Variants in EZR observed in about 807,000 individuals in gnomAD.
EZR encodes ezrin, also known as cytovillin 2.
In EZR, 40 loss-of-function variants were observed where a neutral mutation model predicts 74.8. That is an observed-to-expected ratio of 0.53 (90% confidence interval 0.42 to 0.70). EZR has a LOEUF of 0.70. Ranked by LOEUF, EZR falls within the 30% of genes least tolerant of loss-of-function variation. The probability of loss-of-function intolerance (pLI) is 0.00; values close to 1 mark genes in which losing one functional copy is unlikely to be tolerated. For synonymous variants in EZR, 341 were observed against 283.3 expected, an observed-to-expected ratio of 1.20 and a Z score of -2.05; for missense variants, 678 against 755.8, an observed-to-expected ratio of 0.90 and a Z score of 1.21.
intron 2 of EZR, among the ~76,000 whole-genome samples, chr6:158,816,408 G>C (rs1562510086): frequency 1.3e-5 from 2 of 152,182 alleles, no homozygotes; most frequent in South Asian, 4.1e-4. Context: ...ACGGAGAACA[G>C]GTTAACTTTT....
intron 2 of EZR, among the ~76,000 whole-genome samples, chr6:158,806,040 C>T (rs1270544219): frequency 2.6e-5 from 4 of 152,218 alleles, no homozygotes; most frequent in African/African-American, 9.6e-5. Flanking sequence ...CTATGGGCCC[C>T]CCAAAACATT....
chr6:158,769,532 C>T (rs1791029402), intron 11 of EZR, 114 bp from the exon 12 acceptor site: 7 of 1,113,290 alleles, frequency 6.3e-6, no homozygotes, highest in Non-Finnish European at 9.2e-6. Context: ...ACCTGAGTCC[C>T]CGCCACCCCC....
At chr6:158,793,318 T>C (rs573660542) in intron 2 of EZR, among the ~76,000 whole-genome samples, 7 of 152,108 alleles carry the variant, frequency 4.6e-5, no homozygotes, top group South Asian at 2.1e-4. Context: ...TAGGAATCCA[T>C]TGGCCCTGTT....
intron 2 of EZR, among the ~76,000 whole-genome samples, chr6:158,792,328 C>T (rs1349631741): frequency 2.0e-5 from 3 of 152,016 alleles, no homozygotes; most frequent in Non-Finnish European, 2.9e-5. Flanking sequence ...TCTCCTGCCT[C>T]GGCCTCCCAA....
At chr6:158,808,260 G>C (rs914473991) in intron 2 of EZR, among the ~76,000 whole-genome samples, 7 of 152,146 alleles carry the variant, frequency 4.6e-5, no homozygotes, top group African/African-American at 1.7e-4. Flanking sequence ...AGGCTGTTAG[G>C]GGGAGTATGT....
intron 2 of EZR, among the ~76,000 whole-genome samples, chr6:158,800,884 C>G (rs1777173931): frequency 6.6e-6 from 1 of 152,224 alleles, no homozygotes; most frequent in Admixed American, 6.5e-5. Flanking sequence ...CACGGCTACT[C>G]CTTTCTATCA....
At chr6:158,796,285 C>T (rs868837630) in intron 2 of EZR, among the ~76,000 whole-genome samples, 1 of 152,212 alleles carries the variant, frequency 6.6e-6, no homozygotes, top group Admixed American at 6.5e-5. Context: ...CCAATGCAAC[C>T]GACATGCAAG....
intron 2 of EZR, among the ~76,000 whole-genome samples, chr6:158,814,390 T>TCACGCGTAAC (rs1777510172): frequency 3.2e-5 from 2 of 63,194 alleles, no homozygotes; most frequent in African/African-American, 1.5e-4. Flanking sequence ...CCTCTCGACG[T>TCACGCGTAAC]TACCTAGGCT....
intron 7 of EZR, among the ~76,000 whole-genome samples, chr6:158,780,535 A>T (rs1356754788): frequency 6.6e-6 from 1 of 152,086 alleles, no homozygotes; most frequent in African/African-American, 2.4e-5. Context: ...GAATTTAAAG[A>T]AGAGACATGT....
At chr6:158,781,170 C>G (rs2128568949) in intron 7 of EZR, among the ~76,000 whole-genome samples, 1 of 152,290 alleles carries the variant, frequency 6.6e-6, no homozygotes, top group East Asian at 1.9e-4. Context: ...CAGCACTCCT[C>G]AGACTTCAGG....
chr6:158,770,371 G>A (rs1326085606), intron 10 of EZR, among the ~76,000 whole-genome samples: 1 of 152,168 alleles, frequency 6.6e-6, no homozygotes, highest in Non-Finnish European at 1.5e-5. Flanking sequence ...GCTGTGCTGG[G>A]AAGTCTGGCT....
At position 158,818,259 on chromosome 6, in the gene EZR, T is replaced by C. The variant is rs529787485; in HGVS notation, c.-73-93A>G. ...TCGGCGCCCGCAGCGCGCTGCCGCT[T>C]AAGAACCGGCCAGCCCGGGCCCGGG... is the stretch of plus-strand genomic sequence containing the variant. On this transcript the variant is annotated intron_variant, in intron 1 of 13. Transcript: ENST00000367075. 268 of 619,816 alleles carry C rather than the reference T, an allele frequency of 4.3e-4. 3 individuals carry two copies. Among genetic ancestry groups the C allele is most frequent in the South Asian group, 2.9e-3 (118 of 40,966 alleles). The allele number at this position is 619,816 out of a possible 1,614,324, so 38.4% of individuals were successfully genotyped here.
intron 12 of EZR, 112 bp from the exon 13 acceptor site, chr6:158,767,624 T>C: frequency 8.8e-7 from 1 of 1,130,790 alleles, no homozygotes; most frequent in South Asian, 1.7e-5. Flanking sequence ...AGCACTGAAC[T>C]GTGCTGGGCT....
At chr6:158,803,588 T>TAAAAA (rs1777253977) in intron 2 of EZR, among the ~76,000 whole-genome samples, 1 of 13,260 alleles carries the variant, frequency 7.5e-5, no homozygotes, top group African/African-American at 3.9e-4. Flanking sequence ...TATACATATA[T>TAAAAA]ATATATATAT....
chr6:158,802,816 C>T (rs1296632489), intron 2 of EZR, among the ~76,000 whole-genome samples: 1 of 152,198 alleles, frequency 6.6e-6, no homozygotes, highest in Non-Finnish European at 1.5e-5. Context: ...AGGTGTGAGC[C>T]ACCGCGCCCG....
At position 158,766,644 on chromosome 6, in the gene EZR, T is replaced by G; in HGVS notation, c.*270A>C. ...ACTCAGACTTTACAGGCATTTTCCGTAATTCAATCAGTCCTGCTCCCAGCA... is the reference window on the plus strand; with the variant it reads ...ACTCAGACTTTACAGGCATTTTCCGGAATTCAATCAGTCCTGCTCCCAGCA... On this transcript the variant is annotated 3_prime_UTR_variant, in exon 14 of 14. Transcript: ENST00000367075. The G allele has an allele frequency of 2.4e-6, 1 of 410,554 alleles. No homozygotes were observed. The allele number at this position is 410,554 out of a possible 1,614,324, so 25.4% of individuals were successfully genotyped here.
intron 8 of EZR, among the ~76,000 whole-genome samples, chr6:158,772,782 G>A (rs1791156668): frequency 6.6e-6 from 1 of 152,168 alleles, no homozygotes; most frequent in Non-Finnish European, 1.5e-5. Flanking sequence ...GGAACAGAGG[G>A]ACAGGGTGGC....
chr6:158,775,117 C>T (rs1242306675), intron 8 of EZR, among the ~76,000 whole-genome samples: 2 of 150,206 alleles, frequency 1.3e-5, no homozygotes, highest in East Asian at 3.9e-4. Flanking sequence ...ACTGCAACCT[C>T]TGCTTCCTGG....
At chr6:158,804,936 C>A (rs1329209463) in intron 2 of EZR, among the ~76,000 whole-genome samples, 4 of 134,236 alleles carry the variant, frequency 3.0e-5, no homozygotes, top group African/African-American at 1.1e-4. Context: ...ACAACAGTCC[C>A]CAGAGTGTGA....
Sources: allele counts gnomAD v4.1 joint callset (sites outside exome capture counted in the v4.1 genomes callset), GRCh38; gene constraint gnomAD v4.1.1; transcripts MANE v1.5; gene names NCBI Gene and HGNC (gene_info 2026-07-23, HGNC 2026-07-21).